GNGT2: variants seen among roughly 807,000 people sequenced by gnomAD.
GNGT2 encodes G protein subunit gamma transducin 2.
Under a neutral mutation model 3.5 loss-of-function variants are expected in GNGT2, and 4 were observed. The observed-to-expected ratio is 1.13, with a 90% CI of 0.56 to 2.59. GNGT2 has a LOEUF of 2.59. Ranked by LOEUF, GNGT2 falls within the 30% of genes most tolerant of loss-of-function variation. The pLI is 0.02. For synonymous variants in GNGT2, 31 were observed against 29.5 expected (o/e 1.05, Z -0.17); for missense variants, 64 against 81.2 (o/e 0.79, Z 0.82).
chr17:49,207,627 G>A (rs2043118635), intron 2 of GNGT2, among the ~76,000 whole-genome samples, 183 bp from the exon 3 acceptor site: 1 of 152,190 alleles, frequency 6.6e-6, no homozygotes, highest in Non-Finnish European at 1.5e-5. Context: ...AGGGGAGGAA[G>A]CTCCCAGTCT....
chr17:49,209,424 C>T (rs1393934651), intron 1 of GNGT2: 2 of 152,290 alleles, frequency 1.3e-5, no homozygotes, highest in Non-Finnish European at 2.9e-5. Flanking sequence ...CAAGCTGTGC[C>T]ACTTAGTACT....
intron 2 of GNGT2, among the ~76,000 whole-genome samples, 177 bp downstream of exon 2, chr17:49,208,668 T>C (rs2043128742): frequency 6.6e-6 from 1 of 152,100 alleles, no homozygotes; most frequent in Non-Finnish European, 1.5e-5. Flanking sequence ...ATAATGTCTA[T>C]AAAATATTAT....
rs988806425 is a variant in GNGT2 at position 49,206,612 on chromosome 17, G to A, written c.*145C>T. ...GAGAAAAGAGTTGAAGGTGGGAGTG[G>A]GGAATGGGTTCACAATGCATTTGTT... On this transcript the variant is annotated 3_prime_UTR_variant, in exon 4 of 4. Transcript: ENST00000507680. 13 of 712,822 alleles carry A rather than the reference G, an allele frequency of 1.8e-5. No individual in the cohort carries two copies. In the Admixed American group the frequency reaches 2.6e-4, roughly 14 times the overall value. The allele number at this position is 712,822 out of a possible 1,614,324, so 44.2% of individuals were successfully genotyped here.
chr17:49,208,312 T>G (rs770243574), intron 2 of GNGT2, among the ~76,000 whole-genome samples: 1 of 150,996 alleles, frequency 6.6e-6, no homozygotes, highest in Non-Finnish European at 1.5e-5. Context: ...AATACAAAAA[T>G]TAGGCAGGCG....
intron 2 of GNGT2, 146 bp from the exon 3 acceptor site, chr17:49,207,590 C>G (rs2043118345): frequency 1.6e-6 from 1 of 626,772 alleles, no homozygotes; most frequent in Non-Finnish European, 2.9e-6. Flanking sequence ...CTTGCATGCC[C>G]TGCTTCTTCA....
intron 1 of GNGT2, chr17:49,209,549 T>G (rs1385007233): frequency 6.6e-6 from 1 of 152,304 alleles, no homozygotes; most frequent in Non-Finnish European, 1.5e-5. Context: ...TTTTTCTTGC[T>G]GTCCCCCCAG....
At position 49,206,734 on chromosome 17, in the gene GNGT2, A is replaced by G; in HGVS notation, c.*23T>C. On this transcript the variant is annotated 3_prime_UTR_variant, in exon 4 of 4. Coordinates refer to ENST00000507680, the MANE Select transcript of GNGT2 (RefSeq NM_001198754.2). Reference sequence around the variant, plus strand: ...TGGGCTTGGCTGAAGAGGGACAGACACTCAGGGCAGGGCTCCATGCCATCA... The same window carrying G: ...TGGGCTTGGCTGAAGAGGGACAGACGCTCAGGGCAGGGCTCCATGCCATCA... 6.2e-7 allele frequency: 1 copy of G among 1,601,780 alleles called. No homozygotes were observed. Among genetic ancestry groups the G allele is most frequent in the Non-Finnish European group, 8.5e-7 (1 of 1,174,740 alleles).
Position 49,206,413 on chromosome 17 carries a change from G to A in GNGT2, c.*344C>T. On this transcript the variant is annotated 3_prime_UTR_variant, in exon 4 of 4. Coordinates refer to ENST00000507680, the MANE Select transcript of GNGT2 (RefSeq NM_001198754.2). ...TAGGATGAGAGTAGAGGGAAAAGAC[G>A]GAGGGGTTCCCAGGTGGTGTAAGTG... 1 of 238,786 alleles carries A rather than the reference G, an allele frequency of 4.2e-6. No individual in the cohort carries two copies. Among genetic ancestry groups the A allele is most frequent in the South Asian group, 6.6e-5 (1 of 15,080 alleles). The allele number at this position is 238,786 out of a possible 1,614,324, so 14.8% of individuals were successfully genotyped here.
intron 1 of GNGT2, chr17:49,209,408 G>A (rs1210715201): frequency 1.3e-5 from 2 of 152,220 alleles, no homozygotes; most frequent in African/African-American, 4.8e-5. Flanking sequence ...AAATGTCCTT[G>A]CTCACCAAGC....
chr17:49,207,262 C>T lies in GNGT2; in HGVS notation c.84+77G>A, dbSNP rs1258571417. ...GCAGCCCTGGAACAGTCCCACCACC[C>T]TTTCTGGTCACTTCCTCCTTCCCGG... is the stretch of plus-strand genomic sequence containing the variant. On this transcript the variant is annotated intron_variant, in intron 3 of 3. Transcript: ENST00000507680. 4 of 1,076,930 alleles carry T rather than the reference C, an allele frequency of 3.7e-6. No individual in the cohort carries two copies. The African/African-American group carries it at 6.2e-5, about 17-fold the overall frequency. 66.7% of individuals were successfully genotyped at this position (1,076,930 alleles called of 1,614,324 possible).
rs959500075 is a variant in GNGT2 at position 49,210,015 on chromosome 17, A to G, written c.-133+429T>C. On this transcript the variant is annotated intron_variant, in intron 1 of 3. Transcript: ENST00000507680. This position sits in a 1 kb window ranked among gnomAD's most constrained non-coding sequence, Gnocchi z 4.2. Reference sequence around the variant, plus strand: ...GAGTCCCTCACATTACGCTTGGTCAATTTCATCTTGTCCTGCCTTCATCTG... The same window carrying G: ...GAGTCCCTCACATTACGCTTGGTCAGTTTCATCTTGTCCTGCCTTCATCTG... Among the ~76,000 whole-genome samples the G allele has an allele frequency of 2.0e-5, 3 of 152,012 alleles. No individual in the cohort carries two copies. Among genetic ancestry groups the G allele is most frequent in the African/African-American group, 7.3e-5 (3 of 41,360 alleles).
In GNGT2 at chr17:49,206,479, G is replaced by T. The variant is rs2043107999; in HGVS notation, c.*278C>A. On this transcript the variant is annotated 3_prime_UTR_variant, in exon 4 of 4. Transcript: ENST00000507680. Reference sequence around the variant, plus strand: ...CCTCTGGGGTCTTGGGGTATTGCAGGCTTCTCACACCCCACCACCCATGGG... The same window carrying T: ...CCTCTGGGGTCTTGGGGTATTGCAGTCTTCTCACACCCCACCACCCATGGG... 1 of 394,352 alleles carries T rather than the reference G, an allele frequency of 2.5e-6. No individual in the cohort carries two copies. Among genetic ancestry groups the T allele is most frequent in the Non-Finnish European group, 4.5e-6 (1 of 221,998 alleles). 24.4% of individuals were successfully genotyped at this position (394,352 alleles called of 1,614,324 possible).
chr17:49,206,978 G>C (rs2043112341), intron 3 of GNGT2, 96 bp from the exon 4 acceptor site: 1 of 1,301,526 alleles, frequency 7.7e-7, no homozygotes, highest in Non-Finnish European at 1.1e-6. Context: ...GCAGGGCAGA[G>C]ACAGGGGCCA....
At chr17:49,208,058 G>A (rs1419846417) in intron 2 of GNGT2, among the ~76,000 whole-genome samples, 2 of 151,860 alleles carry the variant, frequency 1.3e-5, no homozygotes, top group Non-Finnish European at 2.9e-5. Flanking sequence ...CCAGCTACTC[G>A]GGAGGCTGAG....
chr17:49,207,946 G>A lies in GNGT2; in HGVS notation c.-22-502C>T, dbSNP rs550520899. On this transcript the variant is annotated intron_variant, in intron 2 of 3. Transcript: ENST00000507680. ...TTTGGGAGGCCAAAGTGGGAGGATC[G>A]CTTGAGCCCAGGAGTTCAAGATCAG... 1.1e-4 allele frequency among the ~76,000 whole-genome samples: 17 copies of A among 151,670 alleles called. No homozygotes were observed. The East Asian group carries it at 2.3e-3, about 21-fold the overall frequency.
chr17:49,208,489 A>T (rs1467983057), intron 2 of GNGT2, among the ~76,000 whole-genome samples: 1 of 150,988 alleles, frequency 6.6e-6, no homozygotes. Flanking sequence ...AGAGAGAGAG[A>T]CAAGGGGGTC....
intron 2 of GNGT2, among the ~76,000 whole-genome samples, chr17:49,208,275 A>T (rs2043123213): frequency 6.6e-6 from 1 of 152,164 alleles, no homozygotes; most frequent in Admixed American, 6.5e-5. Flanking sequence ...AGCCTCGCCA[A>T]CATGGTGAAA....
chr17:49,207,063 C>T (rs956265234), intron 3 of GNGT2, among the ~76,000 whole-genome samples, 181 bp from the exon 4 acceptor site: 1 of 152,140 alleles, frequency 6.6e-6, no homozygotes, highest in African/African-American at 2.4e-5. Flanking sequence ...AACACTGACC[C>T]TGACCTTCAT....
In GNGT2 at chr17:49,206,773, C is replaced by T; in HGVS notation, c.194G>A (p.Gly65Asp). 6.2e-7 allele frequency: 1 copy of T among 1,613,314 alleles called. No individual in the cohort carries two copies. The highest frequency in any genetic ancestry group is 8.5e-7 in the Non-Finnish European group (1 of 1,179,688). ...TCCATGCCATCAGCTTATCAGACAG[C>T]CACCTTTCTCCTTGAAGGGATTCTT... ...EDKNPFKEKG[G>D]CLIS The change falls in exon 4 of 4, where the codon GGC becomes GAC. Residue 65 changes from glycine (G) to aspartate (D), a missense_variant. Transcript: ENST00000507680.
Sources: gnomAD v4.1 joint callset for allele counts (sites outside exome capture counted in the v4.1 genomes callset) on GRCh38, gnomAD v4.1.1 for gene constraint, Gnocchi (gnomAD v3.1) non-coding constraint, MANE v1.5 for transcripts, NCBI Gene and HGNC (gene_info 2026-07-23, HGNC 2026-07-21) for gene names.